Variants in ARPP21 observed in about 807,000 individuals in gnomAD.
The protein encoded by ARPP21 is cAMP-regulated phosphoprotein 21.
ARPP21 carries 69 observed loss-of-function variants against 113.2 expected under a neutral mutation model. The observed-to-expected ratio is 0.61, with a 90% CI of 0.50 to 0.74. ARPP21 has a LOEUF of 0.74. ARPP21 is among the 30% of genes least tolerant of loss of function. The pLI, the probability that ARPP21 is intolerant of heterozygous loss-of-function variation, is 0.00. For synonymous variants in ARPP21, 368 were observed against 375.5 expected (o/e 0.98, Z 0.23); for missense variants, 1,070 against 1,037.4 (o/e 1.03, Z -0.43).
rs549759263 is a variant in ARPP21, at chr3:35,664,731, GTT to G, written c.-212-15054_-212-15053del. ...TCCTCTTTGAGGTGGGGGCTCAGCTGTTTCCTTGGTCATGCGCCCCTGGTAAG... is the reference window on the plus strand; with the variant it reads ...TCCTCTTTGAGGTGGGGGCTCAGCTGTCCTTGGTCATGCGCCCCTGGTAAG... On this transcript the variant is annotated intron_variant, in intron 1 of 20. Coordinates refer to ENST00000684406, the MANE Select transcript of ARPP21 (RefSeq NM_001385562.1). Among the ~76,000 whole-genome samples, 4 of 152,316 alleles carry G rather than the reference GTT, an allele frequency of 2.6e-5. No individual in the cohort carries two copies. The South Asian group carries it at 8.3e-4, about 32-fold the overall frequency.
At chr3:35,646,736 T>C (rs1225178797) in intron 1 of ARPP21, among the ~76,000 whole-genome samples, 1 of 152,142 alleles carries the variant, frequency 6.6e-6, no homozygotes, top group East Asian at 1.9e-4. Flanking sequence ...TTCATATATC[T>C]GGCCTATAGG....
chr3:35,720,102 T>A (rs2092906955), intron 13 of ARPP21, among the ~76,000 whole-genome samples: 1 of 152,220 alleles, frequency 6.6e-6, no homozygotes, highest in African/African-American at 2.4e-5. Context: ...ATCAAGTGGT[T>A]CTTATTTCTA....
Position 35,739,465 on chromosome 3 carries a change from G to A in ARPP21, c.1898G>A (p.Gly633Asp), listed in dbSNP as rs749345776. ...QQPSYVIAST[G>D]QQLPTGGFSG... ...CCCAGCTATGTAATCGCCTCTACAG[G>A]CCAGCAGCTTCCTACAGGAGGATTC... The change falls in exon 18 of 21, where the codon GGC becomes GAC. Residue 633 changes from glycine to aspartate, a missense_variant. Physicochemically the swap from Gly to Asp is moderately conservative, Grantham distance 94 (BLOSUM62 -1). Transcript: ENST00000684406. 8.1e-6 allele frequency: 13 copies of A among 1,613,988 alleles called. No individual in the cohort carries two copies. In the Admixed American group the frequency reaches 2.2e-4, roughly 27 times the overall value.
chr3:35,690,528 A>C (rs2081947142), intron 8 of ARPP21, among the ~76,000 whole-genome samples: 1 of 151,516 alleles, frequency 6.6e-6, no homozygotes, highest in Non-Finnish European at 1.5e-5. Flanking sequence ...CCATATAGAC[A>C]TCTGCAATCA....
chr3:35,678,208 T>G (rs887646602), intron 1 of ARPP21, among the ~76,000 whole-genome samples: 3 of 151,956 alleles, frequency 2.0e-5, no homozygotes, highest in African/African-American at 7.2e-5. Context: ...GTTTTGGAAA[T>G]TACATTGCTG....
At chr3:35,787,554 G>T (rs62259492) in intron 19 of ARPP21, among the ~76,000 whole-genome samples, 18,388 of 152,080 alleles carry the variant, frequency 0.12, 1,244 homozygotes, top group Non-Finnish European at 0.15. Flanking sequence ...CTGGTGTTTC[G>T]CTCTCTAAGT....
intron 5 of ARPP21, among the ~76,000 whole-genome samples, chr3:35,686,666 G>A (rs914847769): frequency 1.3e-5 from 2 of 151,606 alleles, no homozygotes; most frequent in Non-Finnish European, 3.0e-5. Context: ...TAGTCATTGG[G>A]ATTATTTTTT....
At position 35,793,973 on chromosome 3, in the gene ARPP21, G is replaced by C. The variant is rs753832428; in HGVS notation, c.*15G>C. On this transcript the variant is annotated 3_prime_UTR_variant, in exon 21 of 21. Transcript: ENST00000684406. ...TCAAATTCTGAGAGCTCTGGCTGTG[G>C]TACATTTCTTCAGATATTTCTCATG... 2 of 1,605,272 alleles carry C rather than the reference G, an allele frequency of 1.2e-6. No individual in the cohort carries two copies. The highest frequency in any genetic ancestry group is 1.1e-5 in the South Asian group (1 of 90,126).
In ARPP21 at chr3:35,701,265, T is replaced by C. The variant is rs189810984; in HGVS notation, c.687-5709T>C. Among the ~76,000 whole-genome samples the C allele has an allele frequency of 2.8e-3, 424 of 151,856 alleles. 2 individuals are homozygous for C. The highest frequency in any genetic ancestry group is 9.8e-3 in the African/African-American group (406 of 41,504). On this transcript the variant is annotated intron_variant, in intron 9 of 20. Coordinates refer to ENST00000684406, the MANE Select transcript of ARPP21 (RefSeq NM_001385562.1). ...TGTTATCCTCATATTTTAGAATATATGTGTGCAGTATTTCCTAGATAATTC... is the reference window on the plus strand; with the variant it reads ...TGTTATCCTCATATTTTAGAATATACGTGTGCAGTATTTCCTAGATAATTC...
chr3:35,696,982 G>A (rs1426488851), intron 9 of ARPP21, among the ~76,000 whole-genome samples: 2 of 151,554 alleles, frequency 1.3e-5, no homozygotes, highest in African/African-American at 2.4e-5. Flanking sequence ...CCCAGAGAAA[G>A]GAAGCACACT....
At chr3:35,772,278 T>A (rs955940244) in intron 19 of ARPP21, among the ~76,000 whole-genome samples, 1 of 152,078 alleles carries the variant, frequency 6.6e-6, no homozygotes, top group Admixed American at 6.5e-5. Context: ...CTGAAAAAAA[T>A]TGTGTCATAA....
chr3:35,705,860 C>T (rs1055447163), intron 9 of ARPP21, among the ~76,000 whole-genome samples: 2 of 152,102 alleles, frequency 1.3e-5, no homozygotes, highest in Admixed American at 1.3e-4. Context: ...AATTTATGTA[C>T]ACGTATTTAA....
At chr3:35,644,495 T>TA (rs1699397714) in intron 1 of ARPP21, among the ~76,000 whole-genome samples, 1 of 152,008 alleles carries the variant, frequency 6.6e-6, no homozygotes, top group South Asian at 2.1e-4. Flanking sequence ...GTAACATTGT[T>TA]ATCTTATAGT....
chr3:35,662,898 G>T (rs2149176856), intron 1 of ARPP21, among the ~76,000 whole-genome samples: 1 of 152,242 alleles, frequency 6.6e-6, no homozygotes, highest in Admixed American at 6.5e-5. Flanking sequence ...TAAAAAGATA[G>T]ATAACAGAGG....
At chr3:35,683,635 T>C (rs1559603528) in intron 4 of ARPP21, 91 bp from the exon 5 acceptor site, 2 of 703,426 alleles carry the variant, frequency 2.8e-6, no homozygotes, top group African/African-American at 1.8e-5. Context: ...GGGGAAGTTA[T>C]GTAAATGTGG....
chr3:35,649,087 T>G (rs549100544), intron 1 of ARPP21, among the ~76,000 whole-genome samples: 1 of 152,338 alleles, frequency 6.6e-6, no homozygotes, highest in South Asian at 2.1e-4. Context: ...TAGCAGTTCT[T>G]GGCTAGTATA....
chr3:35,743,819 C>A lies in ARPP21; in HGVS notation c.2011-20C>A. ...TATCTACATTTTCATTCTCTGCTTTCTTCCTCCTTTCTTCCACAGATGCCT... is the reference window on the plus strand; with the variant it reads ...TATCTACATTTTCATTCTCTGCTTTATTCCTCCTTTCTTCCACAGATGCCT... On this transcript the variant is annotated intron_variant, in intron 18 of 20. Coordinates refer to ENST00000684406, the MANE Select transcript of ARPP21 (RefSeq NM_001385562.1). 1.2e-6 allele frequency: 2 copies of A among 1,609,780 alleles called. No homozygotes were observed. The highest frequency in any genetic ancestry group is 1.7e-6 in the Non-Finnish European group (2 of 1,177,444).
rs376171696 is a variant in ARPP21, at chr3:35,667,149, T to C, written c.-212-12638T>C. On this transcript the variant is annotated intron_variant, in intron 1 of 20. Transcript: ENST00000684406. ...GACTCTTTAAGGGCTAGTCCTATTA[T>C]CCTACATTCTTTAATCAAAATACTG... Among the ~76,000 whole-genome samples the C allele has an allele frequency of 4.6e-5, 7 of 152,222 alleles. No homozygotes were observed. In the East Asian group the frequency reaches 5.8e-4, roughly 13 times the overall value.
upstream of ARPP21, among the ~76,000 whole-genome samples, chr3:35,639,399 G>C (rs1470318701): frequency 1.3e-5 from 2 of 151,944 alleles, no homozygotes; most frequent in Non-Finnish European, 2.9e-5. This position sits in a 1 kb window ranked among gnomAD's most constrained non-coding sequence, Gnocchi z 5.0. Flanking sequence ...GTGGAGCCAC[G>C]TGCAACACGC....
Sources: gnomAD v4.1 joint callset for allele counts (sites outside exome capture counted in the v4.1 genomes callset) on GRCh38, gnomAD v4.1.1 for gene constraint, Gnocchi (gnomAD v3.1) non-coding constraint, MANE v1.5 for transcripts, NCBI Gene and HGNC (gene_info 2026-07-23, HGNC 2026-07-21) for gene names.